CNTN5: variants seen among roughly 807,000 people sequenced by gnomAD.
CNTN5 encodes the protein contactin-5.
Under a neutral mutation model 129.1 loss-of-function variants are expected in CNTN5, and 77 were observed. The ratio of observed to expected loss-of-function variants is 0.60; its 90% CI spans 0.50 to 0.72. The LOEUF is 0.72. Among genes scored for constraint, CNTN5 ranks in the 30% least tolerant of loss-of-function variants. The pLI is 0.00. For missense variants in CNTN5, 1,478 were observed against 1,328.8 expected, an observed-to-expected ratio of 1.11 and a Z score of -1.75; for synonymous variants, 509 against 465.6, an observed-to-expected ratio of 1.09 and a Z score of -1.20.
At chr11:100,038,085 G>T (rs1565813337) in intron 9 of CNTN5, among the ~76,000 whole-genome samples, 2 of 152,008 alleles carry the variant, frequency 1.3e-5, no homozygotes, top group Non-Finnish European at 2.9e-5. Flanking sequence ...GATCTTTCCT[G>T]CTTTCTTTTG....
At chr11:100,070,136 C>A (rs1943854065) in intron 10 of CNTN5, among the ~76,000 whole-genome samples, 1 of 146,512 alleles carries the variant, frequency 6.8e-6, no homozygotes, top group Non-Finnish European at 1.5e-5. Flanking sequence ...GGTTCAGGTG[C>A]CTTGGGGATA....
intron 6 of CNTN5, among the ~76,000 whole-genome samples, chr11:99,894,567 A>G (rs550446330): frequency 2.6e-5 from 4 of 151,528 alleles, no homozygotes; most frequent in African/African-American, 9.7e-5. Flanking sequence ...CAAAAAAAAC[A>G]AAACCAAGCA....
chr11:99,411,539 C>T (rs1312106438), intron 2 of CNTN5, among the ~76,000 whole-genome samples: 3 of 149,114 alleles, frequency 2.0e-5, no homozygotes, highest in African/African-American at 7.4e-5. Flanking sequence ...TAAATAAATA[C>T]AAAAAATTTT....
chr11:99,641,725 G>A (rs1331827620), intron 3 of CNTN5, among the ~76,000 whole-genome samples: 3 of 152,092 alleles, frequency 2.0e-5, no homozygotes, highest in African/African-American at 7.2e-5. Context: ...AGGAGAGGTG[G>A]AACCAAACCT....
rs539968965 is a variant in CNTN5 at position 99,428,369 on chromosome 11, G to A, written c.-71+102885G>A. On this transcript the variant is annotated intron_variant, in intron 2 of 24. Coordinates refer to ENST00000524871, the MANE Select transcript of CNTN5 (RefSeq NM_014361.4). Reference sequence around the variant, plus strand: ...GAGCTCAGGAGTTGAAGACCAGCCCGGGCAATATGGTGAAACCTCATCTCT... The same window carrying A: ...GAGCTCAGGAGTTGAAGACCAGCCCAGGCAATATGGTGAAACCTCATCTCT... 4.0e-4 allele frequency among the ~76,000 whole-genome samples: 61 copies of A among 151,842 alleles called. No individual in the cohort carries two copies. The South Asian group carries it at 5.0e-3, about 12-fold the overall frequency.
rs545691937 is a variant in CNTN5, at chr11:100,308,417, T to C, written c.2679T>C (p.Leu893=). ...CAAGTGTGTCTGTGTCAGAGATTCTTGTTGCATGGAAACACATTAAAGAGA... is the reference window on the plus strand; with the variant it reads ...CAAGTGTGTCTGTGTCAGAGATTCTCGTTGCATGGAAACACATTAAAGAGA... ...KATSVSVSEI[L]VAWKHIKESL... The change falls in exon 21 of 25, where the codon CTT becomes CTC. Residue 893 remains leucine, a synonymous_variant. Coordinates refer to ENST00000524871, the MANE Select transcript of CNTN5 (RefSeq NM_014361.4). The C allele has an allele frequency of 6.2e-7, 1 of 1,611,154 alleles. No individual in the cohort carries two copies. Among genetic ancestry groups the C allele is most frequent in the Non-Finnish European group, 8.5e-7 (1 of 1,178,002 alleles).
rs936812182 is a variant in CNTN5 at position 99,999,535 on chromosome 11, A to G, written c.878-2499A>G. Among the ~76,000 whole-genome samples the G allele has an allele frequency of 3.3e-5, 5 of 152,356 alleles. No individual in the cohort carries two copies. The South Asian group carries it at 8.3e-4, about 25-fold the overall frequency. On this transcript the variant is annotated intron_variant, in intron 8 of 24. Transcript: ENST00000524871. ...GGTGCTGGAGAGGATGTGGAGAAAC[A>G]GGAACACTTTTACACTCTTAGTGGG...
intron 10 of CNTN5, among the ~76,000 whole-genome samples, chr11:100,061,842 G>T (rs1269195865): frequency 6.6e-6 from 1 of 152,112 alleles, no homozygotes; most frequent in Non-Finnish European, 1.5e-5. Context: ...TTTTTGCCTG[G>T]CAATGGCAGA....
intron 1 of CNTN5, among the ~76,000 whole-genome samples, chr11:99,110,365 T>C (rs531338492): frequency 6.6e-6 from 1 of 152,270 alleles, no homozygotes; most frequent in South Asian, 2.1e-4. Flanking sequence ...TGATTTAGTA[T>C]GGAATATCTC....
At chr11:99,962,153 T>C (rs1647346589) in intron 8 of CNTN5, among the ~76,000 whole-genome samples, 1 of 152,170 alleles carries the variant, frequency 6.6e-6, no homozygotes, top group Non-Finnish European at 1.5e-5. Flanking sequence ...GAATTATTTT[T>C]ATTCAAAAAC....
intron 18 of CNTN5, among the ~76,000 whole-genome samples, chr11:100,292,353 G>A (rs1951006464): frequency 6.6e-6 from 1 of 151,944 alleles, no homozygotes; most frequent in Non-Finnish European, 1.5e-5. Flanking sequence ...AGCCTTATTG[G>A]GTGTGATCCT....
intron 3 of CNTN5, among the ~76,000 whole-genome samples, chr11:99,673,104 A>C (rs775464379): frequency 6.6e-6 from 1 of 152,114 alleles, no homozygotes; most frequent in African/African-American, 2.4e-5. Flanking sequence ...TCCTCAGCTT[A>C]TAAGTTTAGC....
chr11:99,419,843 CT>C (rs1942811133), intron 2 of CNTN5, among the ~76,000 whole-genome samples: 1 of 151,984 alleles, frequency 6.6e-6, no homozygotes. Flanking sequence ...TTAATGACTT[CT>C]CCCTGTAACT....
intron 2 of CNTN5, among the ~76,000 whole-genome samples, chr11:99,418,584 G>A (rs1484832912): frequency 1.3e-5 from 2 of 151,962 alleles, no homozygotes; most frequent in African/African-American, 4.8e-5. Context: ...GGAAGTTTTC[G>A]GTACAGACAA....
intron 3 of CNTN5, among the ~76,000 whole-genome samples, chr11:99,778,306 A>G (rs1945195448): frequency 6.6e-6 from 1 of 151,788 alleles, no homozygotes; most frequent in African/African-American, 2.4e-5. Flanking sequence ...ATCTTGATCA[A>G]TATTGAGCAA....
chr11:99,246,093 A>G (rs1861800900), intron 1 of CNTN5, among the ~76,000 whole-genome samples: 1 of 152,178 alleles, frequency 6.6e-6, no homozygotes, highest in African/African-American at 2.4e-5. Context: ...TGTTTCAACA[A>G]TTTGGTTAAA....
At chr11:99,272,279 A>T (rs1452606568) in intron 1 of CNTN5, among the ~76,000 whole-genome samples, 1 of 150,480 alleles carries the variant, frequency 6.6e-6, no homozygotes, top group Non-Finnish European at 1.5e-5. Context: ...TTCAATGGAG[A>T]TCTATTTGAG....
At position 99,247,956 on chromosome 11, in the gene CNTN5, T is replaced by C. The variant is rs566090575; in HGVS notation, c.-209-77390T>C. ...AGTGTCTTTATAGCAGCATGATTTATAATCCTTTGGGTATATACCCAGTAA... is the reference window on the plus strand; with the variant it reads ...AGTGTCTTTATAGCAGCATGATTTACAATCCTTTGGGTATATACCCAGTAA... On this transcript the variant is annotated intron_variant, in intron 1 of 24. Coordinates refer to ENST00000524871, the MANE Select transcript of CNTN5 (RefSeq NM_014361.4). Among the ~76,000 whole-genome samples, 22 of 152,322 alleles carry C rather than the reference T, an allele frequency of 1.4e-4. 1 individual carries two copies. In the South Asian group the frequency reaches 4.6e-3, roughly 32 times the overall value.
chr11:99,502,560 T>C (rs1946466316), intron 2 of CNTN5, among the ~76,000 whole-genome samples: 1 of 152,146 alleles, frequency 6.6e-6, no homozygotes, highest in South Asian at 2.1e-4. Flanking sequence ...TTGCTTCTCC[T>C]TCACCTTTTT....
Sources: allele counts gnomAD v4.1 joint callset (sites outside exome capture counted in the v4.1 genomes callset), GRCh38; gene constraint gnomAD v4.1.1; transcripts MANE v1.5; gene names NCBI Gene and HGNC (gene_info 2026-07-23, HGNC 2026-07-21).